Variants in UTRN observed in about 807,000 individuals in gnomAD.
UTRN encodes the protein utrophin, also known as dystrophin-related protein 1.
Under a neutral mutation model 463.9 loss-of-function variants are expected in UTRN, and 283 were observed. That is an observed-to-expected ratio of 0.61 (90% confidence interval 0.55 to 0.67). The LOEUF is 0.67. Among genes scored for constraint, UTRN ranks in the 30% least tolerant of loss-of-function variants. UTRN has a pLI of 0.00. For missense variants in UTRN, 3,922 were observed against 4,084.3 expected, an observed-to-expected ratio of 0.96 and a Z score of 1.08; for synonymous variants, 1,442 against 1,431.5, an observed-to-expected ratio of 1.01 and a Z score of -0.17.
rs1783159120 is a variant in UTRN at position 144,690,016 on chromosome 6, G to A, written c.7653-10071G>A. Among the ~76,000 whole-genome samples the A allele has an allele frequency of 2.0e-5, 3 of 150,756 alleles. No homozygotes were observed. The Admixed American group carries it at 2.0e-4, about 10-fold the overall frequency. Reference sequence around the variant, plus strand: ...TTATGCTTTGCCTTATGTTACCCAGGGGAGGTACTCTGGTGTCCCAAGCAA... The same window carrying A: ...TTATGCTTTGCCTTATGTTACCCAGAGGAGGTACTCTGGTGTCCCAAGCAA... On this transcript the variant is annotated intron_variant, in intron 52 of 74. Transcript: ENST00000367545.
chr6:144,367,666 G>A (rs897116844), intron 2 of UTRN, among the ~76,000 whole-genome samples: 2 of 152,108 alleles, frequency 1.3e-5, no homozygotes, highest in Non-Finnish European at 1.5e-5. Flanking sequence ...TAAATTCTAC[G>A]AGCTTTTATT....
chr6:144,526,309 G>C (rs1164660874), intron 41 of UTRN, among the ~76,000 whole-genome samples: 1 of 152,154 alleles, frequency 6.6e-6, no homozygotes, highest in Non-Finnish European at 1.5e-5. Flanking sequence ...TTAATGTGTT[G>C]CTGTTTATTT....
At position 144,606,530 on chromosome 6, in the gene UTRN, A is replaced by T. The variant is rs553242605; in HGVS notation, c.7479+29242A>T. On this transcript the variant is annotated intron_variant, in intron 51 of 74. Transcript: ENST00000367545. The stretch of plus-strand genomic sequence containing the variant: ...AGTAAGTATCTGTTTTCAAGTTTGC[A>T]TGAATGCCTTGTATTATATTAAAAA... Among the ~76,000 whole-genome samples, 7 of 152,314 alleles carry T rather than the reference A, an allele frequency of 4.6e-5. 1 individual carries two copies. The highest frequency in any genetic ancestry group is 1.7e-4 in the African/African-American group (7 of 41,570).
chr6:144,575,650 A>G (rs950040842), intron 50 of UTRN, among the ~76,000 whole-genome samples: 1 of 152,118 alleles, frequency 6.6e-6, no homozygotes, highest in South Asian at 2.1e-4. Flanking sequence ...TCAATGTCTT[A>G]CTGTGCCTAA....
chr6:144,477,838 A>G (rs147855835), intron 25 of UTRN, among the ~76,000 whole-genome samples: 1 of 152,242 alleles, frequency 6.6e-6, no homozygotes, highest in African/African-American at 2.4e-5. Flanking sequence ...GGCAATGAGG[A>G]TCAAGGAAGG....
rs1784971803 is a variant in UTRN at position 144,422,999 on chromosome 6, G to A, written c.235-550G>A. 2.6e-5 allele frequency among the ~76,000 whole-genome samples: 4 copies of A among 152,330 alleles called. No homozygotes were observed. The South Asian group carries it at 8.3e-4, about 32-fold the overall frequency. On this transcript the variant is annotated intron_variant, in intron 4 of 74. Coordinates refer to ENST00000367545, the MANE Select transcript of UTRN (RefSeq NM_007124.3). ...TGCATAGGTTATCTTTCCCCAGATG[G>A]GAATTCCCTGCCTTCCGAGGGCTCT...
At chr6:144,740,652 A>G (rs1457230374) in intron 54 of UTRN, among the ~76,000 whole-genome samples, 1 of 152,362 alleles carries the variant, frequency 6.6e-6, no homozygotes, top group Admixed American at 6.5e-5. Context: ...TTAAAGTTCT[A>G]TAATATCTGT....
At chr6:144,393,452 A>G (rs1782117185) in intron 2 of UTRN, among the ~76,000 whole-genome samples, 2 of 152,258 alleles carry the variant, frequency 1.3e-5, no homozygotes, top group South Asian at 4.1e-4. Flanking sequence ...GAAATCTTCT[A>G]AAGTATATTA....
chr6:144,666,336 TCC>T (rs146269904), intron 51 of UTRN, among the ~76,000 whole-genome samples: 2,052 of 152,272 alleles, frequency 0.013, 44 homozygotes, highest in African/African-American at 0.047. Context: ...TATTTTAAGT[TCC>T]CCCATTAAAC....
chr6:144,781,789 G>A, intron 60 of UTRN, 133 bp from the exon 61 acceptor site: 2 of 607,802 alleles, frequency 3.3e-6, no homozygotes, highest in South Asian at 2.8e-5. Context: ...CTGAAATTTA[G>A]CTAAAAAGGA....
Position 144,342,343 on chromosome 6 carries a change from ACACAC to A in UTRN, c.79+50437_79+50441del, listed in dbSNP as rs1777201353. Reference sequence around the variant, plus strand: ...CAATTCTACTTCTGGGTACACACATACACACACACACACACACACACACACACACA... The same window carrying A: ...CAATTCTACTTCTGGGTACACACATAACACACACACACACACACACACACA... On this transcript the variant is annotated intron_variant, in intron 2 of 74. Transcript: ENST00000367545. Among the ~76,000 whole-genome samples the A allele has an allele frequency of 7.8e-5, 3 of 38,530 alleles. No individual in the cohort carries two copies. In the African/African-American group the frequency reaches 1.8e-3, roughly 23 times the overall value. The allele number at this position is 38,530 out of a possible 152,430, so 25.3% of individuals were successfully genotyped here.
chr6:144,355,959 A>G (rs1778513225), intron 2 of UTRN, among the ~76,000 whole-genome samples: 1 of 152,230 alleles, frequency 6.6e-6, no homozygotes, highest in South Asian at 2.1e-4. Context: ...GATTTTAAGA[A>G]TTAAAACTTT....
chr6:144,737,435 T>G (rs1789549472), intron 54 of UTRN, among the ~76,000 whole-genome samples: 1 of 152,196 alleles, frequency 6.6e-6, no homozygotes. Flanking sequence ...GAGGTAGTCT[T>G]TGGGACTTTC....
rs2128613726 is a variant in UTRN, at chr6:144,554,810, C to G, written c.7051C>G (p.Leu2351Val). The G allele has an allele frequency of 1.2e-6, 2 of 1,613,980 alleles. No homozygotes were observed. The highest frequency in any genetic ancestry group is 1.7e-6 in the Non-Finnish European group (2 of 1,179,968). ...TGACCATAGGGAGGAGACTGAAGAA[C>G]TGATGAGAAAATATGAGGCTCGACT... is the stretch of plus-strand genomic sequence containing the variant. The part of the protein sequence containing the change: ...WDDHREETEE[L>V]MRKYEARLYI... Residue 2351 changes from leucine (L) to valine (V), a missense_variant, in exon 49 of 75, where the codon CTG (leucine) becomes GTG (valine). Coordinates refer to ENST00000367545, the MANE Select transcript of UTRN (RefSeq NM_007124.3).
At chr6:144,481,626 C>T (rs1304891805) in intron 26 of UTRN, among the ~76,000 whole-genome samples, 2 of 152,220 alleles carry the variant, frequency 1.3e-5, no homozygotes, top group Non-Finnish European at 2.9e-5. Flanking sequence ...TGGACCCAGA[C>T]TTTGAAAATA....
intron 51 of UTRN, among the ~76,000 whole-genome samples, chr6:144,653,526 C>G (rs1779035829): frequency 6.6e-6 from 1 of 151,164 alleles, no homozygotes; most frequent in African/African-American, 2.4e-5. Flanking sequence ...GCAGAGCTTG[C>G]AGTGAGCGGA....
At chr6:144,751,295 A>G (rs1053973797) in intron 55 of UTRN, among the ~76,000 whole-genome samples, 22 of 152,246 alleles carry the variant, frequency 1.4e-4, no homozygotes, top group Admixed American at 4.6e-4. Context: ...TGCATATAAT[A>G]GAAAGCATGA....
intron 54 of UTRN, among the ~76,000 whole-genome samples, chr6:144,732,275 T>TACAC (rs1451534201): frequency 3.5e-5 from 3 of 85,708 alleles, no homozygotes; most frequent in African/African-American, 1.4e-4. Context: ...TATATATATA[T>TACAC]ATACACACAT....
chr6:144,294,873 G>C (rs1376365740), intron 2 of UTRN, among the ~76,000 whole-genome samples: 1 of 152,156 alleles, frequency 6.6e-6, no homozygotes, highest in Non-Finnish European at 1.5e-5. Flanking sequence ...ACGTAATGAA[G>C]TAGTTTCATA....
Sources: gnomAD v4.1 joint callset for allele counts (sites outside exome capture counted in the v4.1 genomes callset) on GRCh38, gnomAD v4.1.1 for gene constraint, MANE v1.5 for transcripts, NCBI Gene and HGNC (gene_info 2026-07-23, HGNC 2026-07-21) for gene names.